LRBA: variants seen among roughly 807,000 people sequenced by gnomAD.
LRBA encodes the protein LPS responsive beige-like anchor protein.
Under a neutral mutation model 330.0 loss-of-function variants are expected in LRBA, and 176 were observed. The ratio of observed to expected loss-of-function variants is 0.53; its 90% CI spans 0.47 to 0.60. LRBA has a LOEUF of 0.60. Among genes scored for constraint, LRBA ranks in the 20% least tolerant of loss-of-function variants. LRBA has a pLI of 0.00. For missense variants in LRBA, 3,259 were observed against 3,444.8 expected (o/e 0.95, Z 1.35); for synonymous variants, 1,230 against 1,193.0 (o/e 1.03, Z -0.64).
rs115102342 is a variant in LRBA, at chr4:150,936,144, A to T, written c.217-7079T>A. On this transcript the variant is annotated intron_variant, in intron 2 of 56. Transcript: ENST00000651943. ...AATGCTCAAAGTAGGTGAGAACAAG[A>T]TTAAACAGATACTTTCATACACTCC... 6.1e-3 allele frequency among the ~76,000 whole-genome samples: 930 copies of T among 152,214 alleles called. 13 individuals are homozygous for T. The highest frequency in any genetic ancestry group is 0.018 in the African/African-American group (737 of 41,574).
chr4:150,844,894 G>A (rs1467117741), intron 26 of LRBA, 115 bp from the exon 27 acceptor site: 25 of 834,538 alleles, frequency 3.0e-5, no homozygotes, highest in Non-Finnish European at 3.0e-5. Context: ...CAAAACAGAC[G>A]ACATTCAGCT....
intron 46 of LRBA, among the ~76,000 whole-genome samples, chr4:150,418,258 TC>T (rs1288448795): frequency 6.6e-6 from 1 of 152,068 alleles, no homozygotes; most frequent in Non-Finnish European, 1.5e-5. Context: ...CTTCAAGCAA[TC>T]CTCCCCAAAA....
At chr4:150,595,427 A>G (rs1341649689) in intron 38 of LRBA, among the ~76,000 whole-genome samples, 1 of 151,910 alleles carries the variant, frequency 6.6e-6, no homozygotes, top group Non-Finnish European at 1.5e-5. Flanking sequence ...CATCCCTAGA[A>G]AACCAAATGA....
chr4:150,783,200 T>C (rs936001745), intron 34 of LRBA, among the ~76,000 whole-genome samples: 2 of 152,184 alleles, frequency 1.3e-5, no homozygotes, highest in South Asian at 2.1e-4. Context: ...TTCTTAAAAG[T>C]TCTCCCTCAT....
chr4:150,423,134 C>G (rs1749049686), intron 46 of LRBA: 1 of 957,108 alleles, frequency 1.0e-6, no homozygotes, highest in South Asian at 1.3e-5. Context: ...AAGCTACCAC[C>G]ACCAAAGTAC....
chr4:150,512,647 C>A (rs960394728), intron 40 of LRBA, among the ~76,000 whole-genome samples: 1 of 143,366 alleles, frequency 7.0e-6, no homozygotes, highest in Non-Finnish European at 1.5e-5. Context: ...AAATAAATTT[C>A]TGTTGTTTAT....
intron 40 of LRBA, among the ~76,000 whole-genome samples, chr4:150,510,811 C>T (rs1396361241): frequency 6.6e-6 from 1 of 151,772 alleles, no homozygotes; most frequent in African/African-American, 2.4e-5. Flanking sequence ...CACCATATGC[C>T]CTCTAAACTC....
intron 49 of LRBA, among the ~76,000 whole-genome samples, chr4:150,322,569 AAAATT>A (rs1221558635): frequency 6.6e-6 from 1 of 152,222 alleles, no homozygotes; most frequent in East Asian, 1.9e-4. Context: ...CTGGTAATAA[AAAATT>A]AAATACATTT....
chr4:150,750,119 T>A (rs1733336469), intron 35 of LRBA, among the ~76,000 whole-genome samples: 1 of 152,208 alleles, frequency 6.6e-6, no homozygotes, highest in South Asian at 2.1e-4. Context: ...TTCTAAACAC[T>A]CCACACTCCC....
Position 150,310,246 on chromosome 4 carries a change from A to C in LRBA, c.7832T>G (p.Val2611Gly). The change falls in exon 52 of 57, where the codon GTC (valine) becomes GGC (glycine). Residue 2611 changes from valine (V) to glycine (G), a missense_variant. Coordinates refer to ENST00000651943, the MANE Select transcript of LRBA (RefSeq NM_001364905.1). ...VCGFWDKSFR[V>G]YSTDTGRLIQ... is the part of the protein sequence containing the mutation. ...AAAATTACCTGTGTCTGTAGAATAGACTCTGAAACTTTTATCCCAGAAGCC... is the reference window on the plus strand; with the variant it reads ...AAAATTACCTGTGTCTGTAGAATAGCCTCTGAAACTTTTATCCCAGAAGCC... The C allele has an allele frequency of 6.2e-7, 1 of 1,611,784 alleles. No homozygotes were observed. The highest frequency in any genetic ancestry group is 8.5e-7 in the Non-Finnish European group (1 of 1,178,160).
At chr4:150,460,783 T>G (rs996063444) in intron 44 of LRBA, among the ~76,000 whole-genome samples, 1 of 151,852 alleles carries the variant, frequency 6.6e-6, no homozygotes, top group Admixed American at 6.6e-5. Flanking sequence ...CTTTACCTTG[T>G]TCCTCAAACT....
intron 37 of LRBA, among the ~76,000 whole-genome samples, chr4:150,660,414 G>A (rs1198501210): frequency 4.9e-5 from 7 of 142,244 alleles, no homozygotes; most frequent in South Asian, 2.4e-4. Flanking sequence ...GCCTCTGCCC[G>A]GCTGCCCCTA....
chr4:150,799,966 A>G (rs1206972091), intron 33 of LRBA, among the ~76,000 whole-genome samples: 4 of 152,188 alleles, frequency 2.6e-5, no homozygotes, highest in African/African-American at 9.6e-5. Context: ...GCTGGTCTCG[A>G]ACTCCTGACC....
At chr4:150,313,997 A>C (rs1038708781) in intron 51 of LRBA, among the ~76,000 whole-genome samples, 4 of 151,910 alleles carry the variant, frequency 2.6e-5, no homozygotes, top group African/African-American at 9.7e-5. Context: ...GGTCTTTAAA[A>C]AGTTTCAGAG....
chr4:150,706,153 A>G (rs896702300), intron 36 of LRBA, among the ~76,000 whole-genome samples: 20 of 151,940 alleles, frequency 1.3e-4, no homozygotes, highest in Admixed American at 7.2e-4. Context: ...GGGCAATAAG[A>G]AGGAGGAAGA....
At chr4:150,590,551 T>C (rs1291036845) in intron 39 of LRBA, among the ~76,000 whole-genome samples, 162 bp downstream of exon 39, 1 of 151,832 alleles carries the variant, frequency 6.6e-6, no homozygotes, top group Non-Finnish European at 1.5e-5. Context: ...AATAGAAAAA[T>C]AAAGGAGAAA....
At chr4:150,371,344 C>T (rs1339055772) in intron 47 of LRBA, among the ~76,000 whole-genome samples, 1 of 151,752 alleles carries the variant, frequency 6.6e-6, no homozygotes, top group African/African-American at 2.4e-5. Flanking sequence ...AGTCGCCCGC[C>T]ACCACACCTG....
At chr4:150,387,866 T>C (rs1743321662) in intron 47 of LRBA, among the ~76,000 whole-genome samples, 1 of 152,184 alleles carries the variant, frequency 6.6e-6, no homozygotes. Flanking sequence ...AAATTAAGAT[T>C]TGACAGCTAT....
At position 150,806,391 on chromosome 4, in the gene LRBA, G is replaced by A. The variant is rs1742799607; in HGVS notation, c.5398C>T (p.Leu1800Phe). The A allele has an allele frequency of 1.2e-6, 2 of 1,607,188 alleles. No individual in the cohort carries two copies. The highest frequency in any genetic ancestry group is 1.7e-6 in the Non-Finnish European group (2 of 1,177,236). Residue 1800 changes from leucine (L) to phenylalanine (F), a missense_variant, in exon 33 of 57, where the codon CTT becomes TTT. Coordinates refer to ENST00000651943, the MANE Select transcript of LRBA (RefSeq NM_001364905.1). ...PVSNMSITER[L>F]EHALEKAAPL... Reference sequence around the variant, plus strand: ...GCTGCCTTTTCCAAAGCGTGTTCAAGCCTCTCTGTAATACTAAGGAAAAGA... The same window carrying A: ...GCTGCCTTTTCCAAAGCGTGTTCAAACCTCTCTGTAATACTAAGGAAAAGA...
Sources: allele counts gnomAD v4.1 joint callset (sites outside exome capture counted in the v4.1 genomes callset), GRCh38; gene constraint gnomAD v4.1.1; transcripts MANE v1.5; gene names NCBI Gene and HGNC (gene_info 2026-07-23, HGNC 2026-07-21).